The following PHEX variants were observed in gnomAD, a reference collection of about 807,000 sequenced individuals.
PHEX encodes the protein phosphate regulating endopeptidase X-linked, also known as phosphate-regulating neutral endopeptidase PHEX.
In PHEX, 16 loss-of-function variants were observed where a neutral mutation model predicts 68.0. That is an observed-to-expected ratio of 0.24 (90% CI 0.16 to 0.36). PHEX has a LOEUF of 0.36. PHEX is among the 10% of genes least tolerant of loss of function. PHEX has a pLI of 1.00. For missense variants in PHEX, 480 were observed against 575.5 expected (o/e 0.83, Z 1.70); for synonymous variants, 208 against 205.1 (o/e 1.01, Z -0.12).
chrX:22,186,873 A>G (rs1315274465), intron 14 of PHEX, among the ~76,000 whole-genome samples: 2 of 112,198 alleles, frequency 1.8e-5, no homozygotes, highest in Non-Finnish European at 3.8e-5. Flanking sequence ...ATATTTTAAA[A>G]GTTTGTTATT....
intron 9 of PHEX, among the ~76,000 whole-genome samples, chrX:22,105,307 C>T (rs1253928920): frequency 1.8e-5 from 2 of 112,554 alleles, no homozygotes; most frequent in Non-Finnish European, 3.8e-5. Flanking sequence ...GTGTGCAGAA[C>T]GATGCGGAGA....
chrX:22,114,534 T>A lies in PHEX; in HGVS notation c.1250T>A (p.Val417Asp). The A allele has an allele frequency of 8.3e-7, 1 of 1,201,178 alleles. No homozygotes were observed. Among genetic ancestry groups the A allele is most frequent in the Non-Finnish European group, 1.1e-6 (1 of 885,821 alleles). ...TTTATTGAAAGTGCCCTCCCTTATG[T>A]TGTTGGAAAGATGTTTGTAGATGTG... ...VNFIESALPY[V>D]VGKMFVDVYF... The change falls in exon 11 of 22, where the codon GTT becomes GAT. Residue 417 changes from valine to aspartate, a missense_variant. Transcript: ENST00000379374.
rs745938009 is a variant in PHEX at position 22,084,170 on chromosome X, A to AT, written c.664-6251dup. Among the ~76,000 whole-genome samples, 51 of 111,025 alleles carry AT rather than the reference A, an allele frequency of 4.6e-4. 1 individual carries two copies. The highest frequency in any genetic ancestry group is 1.0e-3 in the African/African-American group (32 of 30,632). ...TGAATTTGGATTTTCCATTTAATTT[A>AT]TTTTTTTTGAGATGGGATCTCACTA... On this transcript the variant is annotated intron_variant, in intron 5 of 21. Transcript: ENST00000379374.
intron 11 of PHEX, among the ~76,000 whole-genome samples, chrX:22,118,412 C>T (rs1017867377): frequency 9.6e-6 from 1 of 104,432 alleles, no homozygotes; most frequent in African/African-American, 3.6e-5. Flanking sequence ...ACATGAATAG[C>T]AGTACTTTAT....
At chrX:22,212,779 G>C in intron 15 of PHEX, 125 bp from the exon 16 acceptor site, 1 of 564,472 alleles carries the variant, frequency 1.8e-6, no homozygotes, top group East Asian at 3.3e-5. Flanking sequence ...TCTCTTAGAG[G>C]GCTCCCAGTG....
intron 15 of PHEX, among the ~76,000 whole-genome samples, chrX:22,212,664 C>T (rs765949290): frequency 4.8e-4 from 54 of 111,633 alleles, no homozygotes; most frequent in Middle Eastern, 4.6e-3. Context: ...TTACAGCAGG[C>T]TGGATATTGC....
chrX:22,127,268 TTTATATGTTATATTTTGA>T, intron 11 of PHEX, among the ~76,000 whole-genome samples: 1 of 111,937 alleles, frequency 8.9e-6, no homozygotes, highest in African/African-American at 3.2e-5. Context: ...TGAGTTAATT[TTTATATGTTATATTTTGA>T]CCTTTGACTG....
intron 12 of PHEX, among the ~76,000 whole-genome samples, chrX:22,152,815 G>T (rs1444194885): frequency 9.0e-6 from 1 of 111,703 alleles, no homozygotes; most frequent in East Asian, 2.8e-4. Context: ...TAACACAGAT[G>T]TGTGTATGTT....
chrX:22,089,103 C>A (rs1929746787), intron 5 of PHEX, among the ~76,000 whole-genome samples: 1 of 112,223 alleles, frequency 8.9e-6, no homozygotes, highest in South Asian at 3.7e-4. Context: ...CTTGCTGCAA[C>A]CTCCGCCTCC....
At chrX:22,234,459 A>C (rs1163078991) in intron 20 of PHEX, among the ~76,000 whole-genome samples, 2 of 109,546 alleles carry the variant, frequency 1.8e-5, no homozygotes, top group Non-Finnish European at 3.8e-5. Flanking sequence ...TTTTTTAGAG[A>C]TGCCCTGCCC....
At chrX:22,124,203 G>A (rs1158715867) in intron 11 of PHEX, among the ~76,000 whole-genome samples, 2 of 111,487 alleles carry the variant, frequency 1.8e-5, no homozygotes, top group African/African-American at 6.5e-5. Context: ...AATATCATCC[G>A]GTCCCAATCG....
intron 20 of PHEX, among the ~76,000 whole-genome samples, chrX:22,230,761 C>CCCTT (rs1200703421): frequency 9.0e-6 from 1 of 111,577 alleles, no homozygotes; most frequent in African/African-American, 3.3e-5. Flanking sequence ...TATTTCAATA[C>CCCTT]CCTTTATTTC....
chrX:22,070,436 A>G (rs1316186839), intron 3 of PHEX, among the ~76,000 whole-genome samples: 3 of 111,681 alleles, frequency 2.7e-5, no homozygotes, highest in Non-Finnish European at 5.6e-5. Context: ...TCCCAGCACT[A>G]TGGGAGGCTG....
chrX:22,168,709 T>C (rs1180181842), intron 13 of PHEX, among the ~76,000 whole-genome samples: 1 of 112,488 alleles, frequency 8.9e-6, no homozygotes, highest in Non-Finnish European at 1.9e-5. Flanking sequence ...CATGTTCTAA[T>C]GGCAAATGCA....
At chrX:22,220,112 C>T (rs141929380) in intron 17 of PHEX, among the ~76,000 whole-genome samples, 1 of 111,820 alleles carries the variant, frequency 8.9e-6, no homozygotes, top group African/African-American at 3.2e-5. Context: ...CGGAAGGCCA[C>T]ATGAAATCTC....
chrX:22,126,864 G>GTTTTTT (rs35691469), intron 11 of PHEX, among the ~76,000 whole-genome samples: 18 of 54,604 alleles, frequency 3.3e-4, no homozygotes, highest in Admixed American at 7.9e-4. Context: ...TGAAATAGTT[G>GTTTTTT]TTTTTTTTTT....
intron 20 of PHEX, among the ~76,000 whole-genome samples, chrX:22,238,164 G>A (rs1936049968): frequency 8.9e-6 from 1 of 112,491 alleles, no homozygotes. Flanking sequence ...AATAGGAACA[G>A]CTCTGGTCTG....
intron 13 of PHEX, among the ~76,000 whole-genome samples, chrX:22,175,513 G>A (rs897275455): frequency 1.8e-5 from 2 of 111,284 alleles, no homozygotes; most frequent in African/African-American, 6.6e-5. Flanking sequence ...ACCACACCTG[G>A]TTAATTTTCA....
At chrX:22,141,241 G>A (rs1270763906) in intron 12 of PHEX, among the ~76,000 whole-genome samples, 1 of 111,467 alleles carries the variant, frequency 9.0e-6, no homozygotes, top group Non-Finnish European at 1.9e-5. Context: ...CCAAGTATGA[G>A]AACCATTGCT....
Sources: allele counts gnomAD v4.1 joint callset (sites outside exome capture counted in the v4.1 genomes callset), GRCh38; gene constraint gnomAD v4.1.1; transcripts MANE v1.5; gene names NCBI Gene and HGNC (gene_info 2026-07-23, HGNC 2026-07-21).